Variants in KIF3B observed in about 807,000 individuals in gnomAD.
KIF3B encodes kinesin-like protein KIF3B.
In KIF3B, 38 loss-of-function variants were observed where a neutral mutation model predicts 74.3. The observed-to-expected ratio is 0.51, with a 90% CI of 0.39 to 0.67. The LOEUF (loss-of-function observed/expected upper bound fraction) is 0.67. KIF3B is among the 30% of genes least tolerant of loss of function. The pLI, the probability that KIF3B is intolerant of heterozygous loss-of-function variation, is 0.00. For synonymous variants in KIF3B, 326 were observed against 342.5 expected (o/e 0.95, Z 0.53); for missense variants, 649 against 932.0 (o/e 0.70, Z 3.95).
intron 2 of KIF3B, 89 bp downstream of exon 2, chr20:32,311,270 G>A (rs2047799407): frequency 7.3e-7 from 1 of 1,373,572 alleles, no homozygotes; most frequent in African/African-American, 1.5e-5. Context: ...CCATATGAGG[G>A]ATGATGTCTC....
At chr20:32,299,385 A>G (rs1422183990) in intron 1 of KIF3B, among the ~76,000 whole-genome samples, 68 of 31,084 alleles carry the variant, frequency 2.2e-3, no homozygotes, top group African/African-American at 0.011. Context: ...GTGTGTATAT[A>G]TATATATATA....
intron 5 of KIF3B, among the ~76,000 whole-genome samples, chr20:32,320,083 CG>C (rs749298189): frequency 6.7e-6 from 1 of 149,792 alleles, no homozygotes; most frequent in Non-Finnish European, 1.5e-5. Context: ...TTAGTAGAGA[CG>C]GGGTTTTACC....
chr20:32,322,886 A>G (rs1461786573), intron 5 of KIF3B, among the ~76,000 whole-genome samples: 2 of 80,424 alleles, frequency 2.5e-5, no homozygotes, highest in African/African-American at 1.1e-4. Context: ...ATTTTTATAT[A>G]TTTATATACA....
Position 32,326,897 on chromosome 20 carries a change from T to A in KIF3B, c.1862+13T>A. On this transcript the variant is annotated intron_variant, in intron 6 of 8. Coordinates refer to ENST00000375712, the MANE Select transcript of KIF3B (RefSeq NM_004798.4). ...TAACCAGACTGGAGTAAGTCACTAT[T>A]AACTTCAAGTATATTTTCAAGTATG... is the stretch of plus-strand genomic sequence containing the variant. 8.2e-7 allele frequency: 1 copy of A among 1,217,052 alleles called. No individual in the cohort carries two copies. Among genetic ancestry groups the A allele is most frequent in the Non-Finnish European group, 1.2e-6 (1 of 838,752 alleles). 75.4% of individuals were successfully genotyped at this position (1,217,052 alleles called of 1,614,324 possible).
chr20:32,319,416 A>G (rs1401773189), intron 5 of KIF3B, among the ~76,000 whole-genome samples: 2 of 151,518 alleles, frequency 1.3e-5, no homozygotes, highest in Non-Finnish European at 2.9e-5. Flanking sequence ...GGCCATTTGT[A>G]TGTCTTTGGA....
chr20:32,311,141 G>T lies in KIF3B; in HGVS notation c.1364G>T (p.Arg455Leu). 1 of 1,612,382 alleles carries T rather than the reference G, an allele frequency of 6.2e-7. No homozygotes were observed. Among genetic ancestry groups the T allele is most frequent in the Non-Finnish European group, 8.5e-7 (1 of 1,179,388 alleles). ...EKEKKMEDLR[R>L]EKDAAEMLGA... ...GAGAAAAAGATGGAGGACCTGCGGC[G>T]GGAGAAGGATGCTGCCGAGATGCTG... The change falls in exon 2 of 9, where the codon CGG (arginine) becomes CTG (leucine). Residue 455 changes from arginine (R) to leucine (L), a missense_variant. Around this residue, in one of 4 missense-constraint regions of KIF3B, gnomAD observed 363 missense variants for 592.8 expected, o/e 0.61. Transcript: ENST00000375712.
At chr20:32,328,328 G>A (rs776594774) in intron 7 of KIF3B, among the ~76,000 whole-genome samples, 1 of 152,072 alleles carries the variant, frequency 6.6e-6, no homozygotes, top group Non-Finnish European at 1.5e-5. Context: ...GGAGGCTGAG[G>A]CAGGAGAATG....
chr20:32,293,659 AAGG>A (rs2047703356), intron 1 of KIF3B, among the ~76,000 whole-genome samples: 1 of 152,038 alleles, frequency 6.6e-6, no homozygotes, highest in African/African-American at 2.4e-5. Context: ...GGGCGGGGAG[AAGG>A]AGTTCTCCAA....
Position 32,328,206 on chromosome 20 carries a change from C to A in KIF3B, c.1968+545C>A, listed in dbSNP as rs555364425. On this transcript the variant is annotated intron_variant, in intron 7 of 8. Coordinates refer to ENST00000375712, the MANE Select transcript of KIF3B (RefSeq NM_004798.4). ...TGGGAGGCTGAGGTTGGTGGATCAC[C>A]TGAGGTCAGGAGTTCGAGACCAGCC... is the stretch of plus-strand genomic sequence containing the variant. Among the ~76,000 whole-genome samples the A allele has an allele frequency of 6.6e-5, 10 of 151,428 alleles. 1 individual carries two copies. The South Asian group carries it at 1.0e-3, about 16-fold the overall frequency.
intron 1 of KIF3B, among the ~76,000 whole-genome samples, chr20:32,289,670 G>A (rs927967058): frequency 3.3e-5 from 5 of 152,104 alleles, no homozygotes; most frequent in Admixed American, 1.3e-4. Flanking sequence ...CATTCATGGT[G>A]GTTATATAAA....
chr20:32,288,035 A>G (rs1243991897), intron 1 of KIF3B, among the ~76,000 whole-genome samples: 1 of 151,520 alleles, frequency 6.6e-6, no homozygotes, highest in Non-Finnish European at 1.5e-5. Flanking sequence ...GGTGCACACC[A>G]CCACGCCCAG....
intron 7 of KIF3B, among the ~76,000 whole-genome samples, chr20:32,329,199 C>T (rs556095033): frequency 2.0e-5 from 3 of 152,320 alleles, no homozygotes; most frequent in East Asian, 1.9e-4. Context: ...TGTGCCAACA[C>T]GCTCAGCTAA....
At chr20:32,311,865 C>T (rs6141668) in intron 2 of KIF3B, among the ~76,000 whole-genome samples, 45,163 of 146,894 alleles carry the variant, frequency 0.31, 8,725 homozygotes, top group East Asian at 0.68. Context: ...TGCAGTGGCG[C>T]GATCTCGGCT....
intron 1 of KIF3B, among the ~76,000 whole-genome samples, chr20:32,284,097 T>C (rs892313955): frequency 6.6e-6 from 1 of 150,996 alleles, no homozygotes; most frequent in Non-Finnish European, 1.5e-5. Flanking sequence ...AAAAAAAAAA[T>C]TTTTGTTTTT....
At chr20:32,309,141 C>T (rs1163410415) in intron 1 of KIF3B, among the ~76,000 whole-genome samples, 1 of 151,968 alleles carries the variant, frequency 6.6e-6, no homozygotes, top group African/African-American at 2.4e-5. Flanking sequence ...CTCAGCTTCC[C>T]GAGTAGCTAA....
chr20:32,283,637 C>T (rs767432037), intron 1 of KIF3B, among the ~76,000 whole-genome samples: 1 of 151,874 alleles, frequency 6.6e-6, no homozygotes, highest in Non-Finnish European at 1.5e-5. Flanking sequence ...TGGGGAAACC[C>T]CATCTCTACT....
At chr20:32,279,371 T>C (rs1310356360) in intron 1 of KIF3B, among the ~76,000 whole-genome samples, 1 of 152,136 alleles carries the variant, frequency 6.6e-6, no homozygotes, top group Non-Finnish European at 1.5e-5. Flanking sequence ...TACTTTTAAC[T>C]GGCTAGAAGT....
chr20:32,316,857 C>G lies in KIF3B; in HGVS notation c.1731C>G (p.Thr577=), dbSNP rs777044659. The change falls in exon 5 of 9, where the codon ACC becomes ACG. Residue 577 remains threonine, a synonymous_variant. Transcript: ENST00000375712. ...TAGAGCAGACTCAGAATGAGCTCAC[C>G]AGGGAGCTGAAACTCAAGTAAGTGC... is the stretch of plus-strand genomic sequence containing the variant. ...QELEQTQNEL[T]RELKLKHLII... is the part of the protein sequence containing the mutation. The G allele has an allele frequency of 3.1e-6, 5 of 1,612,368 alleles. No individual in the cohort carries two copies. The highest frequency in any genetic ancestry group is 4.2e-6 in the Non-Finnish European group (5 of 1,178,488).
At chr20:32,309,646 T>C (rs747042117) in intron 1 of KIF3B, 67 bp from the exon 2 acceptor site, 35 of 966,996 alleles carry the variant, frequency 3.6e-5, no homozygotes, top group Non-Finnish European at 5.1e-5. Flanking sequence ...TTTAGGTGTG[T>C]CAGCTTCTGT....
Sources: gnomAD v4.1 joint callset for allele counts (sites outside exome capture counted in the v4.1 genomes callset) on GRCh38, gnomAD v4.1.1 for gene constraint, gnomAD v4.1.1 regional missense constraint, MANE v1.5 for transcripts, NCBI Gene and HGNC (gene_info 2026-07-23, HGNC 2026-07-21) for gene names.